Variants in MED12L observed in about 807,000 individuals in gnomAD.
MED12L encodes the protein mediator complex subunit 12L.
Under a neutral mutation model 281.3 loss-of-function variants are expected in MED12L, and 60 were observed. The observed-to-expected ratio is 0.21, with a 90% CI of 0.17 to 0.26. The LOEUF is 0.26. Among genes scored for constraint, MED12L ranks in the 10% least tolerant of loss-of-function variants. The pLI is 1.00. For synonymous variants in MED12L, 974 were observed against 987.2 expected (o/e 0.99, Z 0.25); for missense variants, 2,146 against 2,680.9 (o/e 0.80, Z 4.41).
rs779618968 is a variant in MED12L, at chr3:151,372,531, C to T, written c.3665-36C>T. 1.2e-5 allele frequency: 18 copies of T among 1,527,092 alleles called. No homozygotes were observed. In the Admixed American group the frequency reaches 1.3e-4, roughly 11 times the overall value. 94.6% of individuals were successfully genotyped at this position (1,527,092 alleles called of 1,614,324 possible). A position where few individuals can be genotyped will look rare whatever the true frequency, so the allele number is the denominator to read the frequency against. On this transcript the variant is annotated intron_variant, in intron 26 of 44. Coordinates refer to ENST00000687756, the MANE Select transcript of MED12L (RefSeq NM_001393769.1). ...CTCAATTATTTGGCAATATTTTGAA[C>T]TTCTGTGATTTTGCTTTTGTGATTC...
At chr3:151,265,372 A>G (rs1739637466) in intron 16 of MED12L, among the ~76,000 whole-genome samples, 2 of 152,186 alleles carry the variant, frequency 1.3e-5, no homozygotes, top group South Asian at 4.1e-4. Flanking sequence ...AATTTCTGAG[A>G]ATTTTTTAAA....
intron 1 of MED12L, among the ~76,000 whole-genome samples, 178 bp downstream of exon 1, chr3:151,086,114 G>A (rs1389128914): frequency 6.6e-6 from 1 of 152,136 alleles, no homozygotes; most frequent in Non-Finnish European, 1.5e-5. Context: ...TCGGCCCCAC[G>A]CCACCGTGAG....
At chr3:151,108,867 C>A (rs918329240) in intron 2 of MED12L, among the ~76,000 whole-genome samples, 1 of 152,034 alleles carries the variant, frequency 6.6e-6, no homozygotes, top group South Asian at 2.1e-4. Context: ...TTATTTTTTT[C>A]TTGAGTGCAA....
chr3:151,235,846 G>T (rs150915569), intron 16 of MED12L, among the ~76,000 whole-genome samples: 50 of 152,144 alleles, frequency 3.3e-4, no homozygotes, highest in Non-Finnish European at 6.2e-4. Flanking sequence ...TCTCAGCAAG[G>T]CCTTTCCTGT....
chr3:151,322,833 C>T (rs1453447886), intron 16 of MED12L, among the ~76,000 whole-genome samples: 1 of 152,106 alleles, frequency 6.6e-6, no homozygotes, highest in African/African-American at 2.4e-5. Context: ...TGTAGTATGG[C>T]CTCTGGGGTT....
At chr3:151,255,574 C>A (rs556368976) in intron 16 of MED12L, among the ~76,000 whole-genome samples, 1 of 152,116 alleles carries the variant, frequency 6.6e-6, no homozygotes, top group African/African-American at 2.4e-5. Flanking sequence ...ACTGAACACA[C>A]GCGATTTTTC....
intron 39 of MED12L, among the ~76,000 whole-genome samples, chr3:151,396,932 A>C (rs955207217): frequency 2.0e-5 from 3 of 152,238 alleles, no homozygotes; most frequent in Non-Finnish European, 4.4e-5. Flanking sequence ...ATGTAATCAA[A>C]GATATCCTTG....
At chr3:151,098,451 G>A (rs1290307683) in intron 2 of MED12L, among the ~76,000 whole-genome samples, 1 of 152,114 alleles carries the variant, frequency 6.6e-6, no homozygotes, top group Non-Finnish European at 1.5e-5. Context: ...GTGTTGGCAG[G>A]GCCACGTTCC....
intron 6 of MED12L, 55 bp downstream of exon 6, chr3:151,156,385 A>G (rs1719288819): frequency 6.7e-7 from 1 of 1,498,268 alleles, no homozygotes; most frequent in South Asian, 1.3e-5. Flanking sequence ...AAGACAGCAA[A>G]TTCCTTATAG....
chr3:151,101,002 T>G (rs953453061), intron 2 of MED12L, among the ~76,000 whole-genome samples: 5 of 152,186 alleles, frequency 3.3e-5, no homozygotes, highest in Non-Finnish European at 7.3e-5. Flanking sequence ...AAAAATGAAT[T>G]ACCAGGAAAA....
intron 16 of MED12L, chr3:151,213,074 A>T (rs1559883899): frequency 9.7e-6 from 3 of 309,034 alleles, no homozygotes; most frequent in Non-Finnish European, 1.7e-5. Flanking sequence ...TTAATTTTTT[A>T]TTAATAGAGA....
chr3:151,103,562 CAT>C (rs1020364560), intron 2 of MED12L, among the ~76,000 whole-genome samples: 3 of 152,172 alleles, frequency 2.0e-5, no homozygotes, highest in Admixed American at 1.3e-4. Context: ...AGTAGTCAGT[CAT>C]GTGCTCATTT....
At chr3:151,293,461 G>A (rs538140794) in intron 16 of MED12L, among the ~76,000 whole-genome samples, 4 of 152,172 alleles carry the variant, frequency 2.6e-5, no homozygotes, top group African/African-American at 9.6e-5. Context: ...GAGTGGGGGT[G>A]AGGCATGAAG....
chr3:151,286,408 A>G (rs1197078985), intron 16 of MED12L, among the ~76,000 whole-genome samples: 1 of 152,248 alleles, frequency 6.6e-6, no homozygotes, highest in Non-Finnish European at 1.5e-5. Flanking sequence ...GCAAATATTC[A>G]AATTGGATGG....
intron 16 of MED12L, among the ~76,000 whole-genome samples, chr3:151,223,881 G>A (rs929199176): frequency 9.2e-5 from 14 of 152,212 alleles, no homozygotes; most frequent in African/African-American, 3.1e-4. Flanking sequence ...GGGGAGGGAA[G>A]TAGGAGCAAG....
At chr3:151,347,409 C>T (rs1328813487) in intron 16 of MED12L, among the ~76,000 whole-genome samples, 1 of 152,112 alleles carries the variant, frequency 6.6e-6, no homozygotes, top group Non-Finnish European at 1.5e-5. Context: ...AATTTACACA[C>T]TAATGAGGAA....
intron 5 of MED12L, among the ~76,000 whole-genome samples, chr3:151,139,192 GT>G (rs1412625478): frequency 6.6e-6 from 1 of 152,050 alleles, no homozygotes; most frequent in African/African-American, 2.4e-5. Context: ...GTTTGCTTTT[GT>G]TTTTGTCTTT....
chr3:151,230,323 A>T (rs1464129050), intron 16 of MED12L, among the ~76,000 whole-genome samples: 1 of 152,192 alleles, frequency 6.6e-6, no homozygotes, highest in Non-Finnish European at 1.5e-5. Context: ...TCCACTTGTG[A>T]TATTTCACCT....
Position 151,248,114 on chromosome 3 carries a change from C to T in MED12L, c.2250+54448C>T, listed in dbSNP as rs141214965. ...TACACAATAATATTCCTTGTCCTTG[C>T]CATCCACAAGTTAAAACAAAAAATG... On this transcript the variant is annotated intron_variant, in intron 16 of 44. Coordinates refer to ENST00000687756, the MANE Select transcript of MED12L (RefSeq NM_001393769.1). Among the ~76,000 whole-genome samples, 419 of 151,682 alleles carry T rather than the reference C, an allele frequency of 2.8e-3. 2 individuals are homozygous for T. The highest frequency in any genetic ancestry group is 3.8e-3 in the Non-Finnish European group (259 of 67,910).
Sources: allele counts gnomAD v4.1 joint callset (sites outside exome capture counted in the v4.1 genomes callset), GRCh38; gene constraint gnomAD v4.1.1; transcripts MANE v1.5; gene names NCBI Gene and HGNC (gene_info 2026-07-23, HGNC 2026-07-21).